PRKN: variants seen among roughly 807,000 people sequenced by gnomAD.
The protein encoded by PRKN is E3 ubiquitin-protein ligase parkin.
A neutral mutation model predicts 59.5 loss-of-function variants in PRKN; 56 were observed. That is an observed-to-expected ratio of 0.94 (90% confidence interval 0.76 to 1.18). PRKN has a LOEUF of 1.18. PRKN is among the 50% of genes most tolerant of loss of function. The pLI, the probability that PRKN is intolerant of heterozygous loss-of-function variation, is 0.00. For missense variants in PRKN, 657 were observed against 596.4 expected (o/e 1.10, Z -1.06); for synonymous variants, 250 against 222.1 (o/e 1.13, Z -1.12).
chr6:162,544,007 C>G (rs1377201922), intron 1 of PRKN, among the ~76,000 whole-genome samples: 1 of 152,098 alleles, frequency 6.6e-6, no homozygotes, highest in Non-Finnish European at 1.5e-5. Context: ...CAGCTTATTG[C>G]AATCATTTCA....
Position 161,473,096 on chromosome 6 carries a change from A to G in PRKN, c.1083+75758T>C, listed in dbSNP as rs1790874293. Among the ~76,000 whole-genome samples, 1 of 152,052 alleles carries G rather than the reference A, an allele frequency of 6.6e-6. No homozygotes were observed. The highest frequency in any genetic ancestry group is 6.6e-5 in the Admixed American group (1 of 15,240). ...GGAAAACAGTACGAAGGTTCCTTAA[A>G]AAATAAAAAAATAGAACTATAGCAC... On this transcript the variant is annotated intron_variant, in intron 9 of 11. Transcript: ENST00000366898. This position sits in a 1 kb window ranked among gnomAD's most constrained non-coding sequence, Gnocchi z 4.1.
rs1002376502 is a variant in PRKN at position 162,246,145 on chromosome 6, A to G, written c.412+16380T>C. 2.0e-5 allele frequency among the ~76,000 whole-genome samples: 3 copies of G among 152,224 alleles called. No individual in the cohort carries two copies. The East Asian group carries it at 5.8e-4, about 29-fold the overall frequency. ...GCTTGTTGCAGGCTGAATTACGTCA[A>G]AATTCCTATGTTGAAGCTCTAACCC... On this transcript the variant is annotated intron_variant, in intron 3 of 11. Transcript: ENST00000366898.
At chr6:161,637,286 C>T (rs986804629) in intron 7 of PRKN, among the ~76,000 whole-genome samples, 1 of 152,172 alleles carries the variant, frequency 6.6e-6, no homozygotes, top group African/African-American at 2.4e-5. Context: ...AGTCCATTAA[C>T]GCCTGGCAGG....
intron 3 of PRKN, among the ~76,000 whole-genome samples, chr6:162,257,100 C>T (rs930303953): frequency 1.3e-5 from 2 of 152,164 alleles, no homozygotes; most frequent in African/African-American, 4.8e-5. Context: ...CTCTCCGCAG[C>T]TTTTTGTCAA....
intron 2 of PRKN, among the ~76,000 whole-genome samples, chr6:162,404,569 G>T (rs1787967225): frequency 6.6e-6 from 1 of 151,710 alleles, no homozygotes; most frequent in Non-Finnish European, 1.5e-5. Context: ...ATGGGTTTTT[G>T]GTTTGTTTGT....
Position 162,108,592 on chromosome 6 carries a change from C to T in PRKN, c.535-54418G>A, listed in dbSNP as rs569785247. ...ACTGAATTCTAAAGTTCTCTAACTA[C>T]CATATATGTAATATTAAAAAGGTCA... On this transcript the variant is annotated intron_variant, in intron 4 of 11. Transcript: ENST00000366898. Among the ~76,000 whole-genome samples the T allele has an allele frequency of 3.3e-5, 5 of 152,164 alleles. No homozygotes were observed. The East Asian group carries it at 9.7e-4, about 29-fold the overall frequency.
At chr6:161,493,468 A>G (rs1333660596) in intron 9 of PRKN, among the ~76,000 whole-genome samples, 1 of 152,102 alleles carries the variant, frequency 6.6e-6, no homozygotes, top group Non-Finnish European at 1.5e-5. Context: ...TGTGTTCTTT[A>G]CCATCACACT....
intron 1 of PRKN, among the ~76,000 whole-genome samples, chr6:162,567,173 G>A (rs62430883): frequency 1.4e-5 from 1 of 73,876 alleles, no homozygotes; most frequent in Non-Finnish European, 3.4e-5. Flanking sequence ...ATACTACATG[G>A]GGAAAAACTG....
Position 161,369,922 on chromosome 6 carries a change from C to G in PRKN, c.1168-9717G>C. ...CTGTGGCTCAAGAGGAATAACCTCA[C>G]AAGGGTCATCGTGAGTAAGATCAAC... On this transcript the variant is annotated intron_variant, in intron 10 of 11. Transcript: ENST00000366898. The surrounding 1 kb of genome is among the most constrained non-coding windows in gnomAD (Gnocchi z 5.8). 4.9e-6 allele frequency: 2 copies of G among 406,270 alleles called. No individual in the cohort carries two copies. The highest frequency in any genetic ancestry group is 1.1e-5 in the Non-Finnish European group (2 of 190,054). 25.2% of individuals were successfully genotyped at this position (406,270 alleles called of 1,614,324 possible). A position where few individuals can be genotyped will look rare whatever the true frequency, so the allele number is the denominator to read the frequency against.
At chr6:162,589,735 TTCTCAA>T (rs1305834042) in intron 1 of PRKN, among the ~76,000 whole-genome samples, 2 of 152,214 alleles carry the variant, frequency 1.3e-5, no homozygotes, top group Non-Finnish European at 2.9e-5. Flanking sequence ...TGCATTTGTA[TTCTCAA>T]TACTTTCGAC....
At chr6:162,048,722 TAA>T (rs58981275) in intron 5 of PRKN, among the ~76,000 whole-genome samples, 5 of 141,530 alleles carry the variant, frequency 3.5e-5, no homozygotes, top group Admixed American at 7.0e-5. Context: ...GCTGATGAAC[TAA>T]AAAAAAAAAA....
chr6:161,669,191 A>AG (rs1425854518), intron 7 of PRKN, among the ~76,000 whole-genome samples: 1 of 152,218 alleles, frequency 6.6e-6, no homozygotes, highest in Non-Finnish European at 1.5e-5. Flanking sequence ...CAAATCTGCC[A>AG]GCGTCTTGAT....
At chr6:161,431,326 T>G (rs1032266416) in intron 9 of PRKN, among the ~76,000 whole-genome samples, 1 of 152,048 alleles carries the variant, frequency 6.6e-6, no homozygotes, top group Admixed American at 6.6e-5. Context: ...ACATAACAAA[T>G]GTTTTTAGGA....
At chr6:162,520,114 G>T (rs1051871511) in intron 1 of PRKN, among the ~76,000 whole-genome samples, 15 of 151,946 alleles carry the variant, frequency 9.9e-5, no homozygotes, top group Non-Finnish European at 1.5e-4. Context: ...TTTTAAATAT[G>T]GCTTAGTGTG....
At chr6:161,812,383 T>C (rs1203515253) in intron 6 of PRKN, among the ~76,000 whole-genome samples, 2 of 152,068 alleles carry the variant, frequency 1.3e-5, no homozygotes, top group Non-Finnish European at 2.9e-5. Context: ...AGCAAAAGCC[T>C]GTGTCCAAAA....
intron 1 of PRKN, among the ~76,000 whole-genome samples, chr6:162,527,735 G>A (rs1778346374): frequency 6.6e-6 from 1 of 152,134 alleles, no homozygotes; most frequent in African/African-American, 2.4e-5. Flanking sequence ...TAAAAGGAGT[G>A]AGGAGGGAAT....
At chr6:162,174,032 T>A (rs146768284) in intron 4 of PRKN, among the ~76,000 whole-genome samples, 1 of 152,210 alleles carries the variant, frequency 6.6e-6, no homozygotes, top group Non-Finnish European at 1.5e-5. Flanking sequence ...GTAATCTTTG[T>A]AATTTAGAGT....
At chr6:161,816,739 A>C (rs1437615526) in intron 6 of PRKN, among the ~76,000 whole-genome samples, 1 of 152,196 alleles carries the variant, frequency 6.6e-6, no homozygotes, top group Admixed American at 6.5e-5. Flanking sequence ...AAAAAAAAAA[A>C]AAATTGTTCA....
intron 2 of PRKN, among the ~76,000 whole-genome samples, chr6:162,434,921 C>T (rs796584120): frequency 5.3e-5 from 8 of 151,600 alleles, no homozygotes; most frequent in African/African-American, 1.7e-4. Flanking sequence ...GATGGAATTT[C>T]AGTGAATCAT....
Sources: gnomAD v4.1 joint callset for allele counts (sites outside exome capture counted in the v4.1 genomes callset) on GRCh38, gnomAD v4.1.1 for gene constraint, Gnocchi (gnomAD v3.1) non-coding constraint, MANE v1.5 for transcripts, NCBI Gene and HGNC (gene_info 2026-07-23, HGNC 2026-07-21) for gene names.